LAMC3: variants seen among roughly 807,000 people sequenced by gnomAD.
LAMC3 encodes the protein laminin subunit gamma 3.
Under a neutral mutation model 173.8 loss-of-function variants are expected in LAMC3, and 128 were observed. The observed-to-expected ratio is 0.74, with a 90% CI of 0.64 to 0.85. The LOEUF (loss-of-function observed/expected upper bound fraction) is 0.85. LAMC3 is among the 40% of genes least tolerant of loss of function. The probability of loss-of-function intolerance (pLI) is 0.00; values close to 1 mark genes in which losing one functional copy is unlikely to be tolerated. For synonymous variants in LAMC3, 897 were observed against 909.1 expected (o/e 0.99, Z 0.24); for missense variants, 2,022 against 2,156.0 (o/e 0.94, Z 1.23).
In LAMC3 at chr9:131,068,248, T is replaced by C. The variant is rs1345349764; in HGVS notation, c.2747+17T>C. 1 of 1,604,904 alleles carries C rather than the reference T, an allele frequency of 6.2e-7. No homozygotes were observed. Among genetic ancestry groups the C allele is most frequent in the African/African-American group, 1.3e-5 (1 of 74,944 alleles). On this transcript the variant is annotated intron_variant, in intron 15 of 27. Transcript: ENST00000361069. ...CTGCCGGAGGTAGGTAGGGTGAGAC[T>C]GCCGGTGCCCTGGGGACCTCTCCAG...
intron 2 of LAMC3, among the ~76,000 whole-genome samples, chr9:131,028,095 G>C (rs1341942613): frequency 1.3e-5 from 2 of 152,124 alleles, no homozygotes; most frequent in Admixed American, 1.3e-4. Flanking sequence ...TTTCCTGCCT[G>C]AGCTCCGCCT....
intron 3 of LAMC3, among the ~76,000 whole-genome samples, chr9:131,034,802 G>A (rs1432734029): frequency 3.3e-5 from 5 of 152,170 alleles, no homozygotes; most frequent in East Asian, 1.9e-4. Context: ...AGCATGCCGC[G>A]GGCTCCCAGG....
chr9:131,072,467 T>C lies in LAMC3; in HGVS notation c.3212-163T>C, dbSNP rs553923633. Among the ~76,000 whole-genome samples the C allele has an allele frequency of 3.0e-4, 45 of 152,276 alleles. 1 individual carries two copies. In the South Asian group the frequency reaches 8.1e-3, roughly 27 times the overall value. On this transcript the variant is annotated intron_variant, in intron 18 of 27. Transcript: ENST00000361069. ...TGTTTGCCTTCTCTGGGCCTCGGCC[T>C]GCACCTGGAAAATGGGGGTACTCTG...
intron 9 of LAMC3, among the ~76,000 whole-genome samples, chr9:131,052,015 C>T (rs1289570611): frequency 1.3e-5 from 2 of 152,152 alleles, no homozygotes; most frequent in Admixed American, 6.5e-5. Context: ...GAAAGCATGG[C>T]CCGGGGCCCA....
In LAMC3 at chr9:131,045,661, G is replaced by A. The variant is rs766192599; in HGVS notation, c.1519+1G>A. 2 of 1,614,096 alleles carry A rather than the reference G, an allele frequency of 1.2e-6. No homozygotes were observed. The highest frequency in any genetic ancestry group is 1.7e-6 in the Non-Finnish European group (2 of 1,180,040). Reference sequence around the variant, plus strand: ...CACATCCTCAGCGATTTCCACCAGGGTAAGAGATGCTCCCTGCAAACGCCT... The same window carrying A: ...CACATCCTCAGCGATTTCCACCAGGATAAGAGATGCTCCCTGCAAACGCCT... On this transcript the variant is annotated splice_donor_variant, in intron 8 of 27. Coordinates refer to ENST00000361069, the MANE Select transcript of LAMC3 (RefSeq NM_006059.4). LOFTEE classifies it high-confidence loss of function.
intron 1 of LAMC3, among the ~76,000 whole-genome samples, chr9:131,011,121 G>T (rs1399092944): frequency 6.6e-6 from 1 of 152,154 alleles, no homozygotes; most frequent in Non-Finnish European, 1.5e-5. Flanking sequence ...ATATTCATTC[G>T]CTTTGCTACT....
Position 131,038,656 on chromosome 9 carries a change from C to A in LAMC3, c.977-208C>A, listed in dbSNP as rs12344119. ...TTGGTGTATTTACTAACAGTGTCCC[C>A]TTTGCTCTTAAGAGTGTCCTGTTTT... On this transcript the variant is annotated intron_variant, in intron 4 of 27. Transcript: ENST00000361069. Among the ~76,000 whole-genome samples, 433 of 152,276 alleles carry A rather than the reference C, an allele frequency of 2.8e-3. 1 individual carries two copies. The highest frequency in any genetic ancestry group is 9.9e-3 in the African/African-American group (410 of 41,548).
chr9:131,021,951 G>A (rs1003299760), intron 1 of LAMC3, among the ~76,000 whole-genome samples: 2 of 152,170 alleles, frequency 1.3e-5, no homozygotes, highest in African/African-American at 2.4e-5. Flanking sequence ...GAACCTCCCC[G>A]TGTTCAGCCA....
chr9:131,057,083 G>A lies in LAMC3; in HGVS notation c.2094G>A (p.Gly698=), dbSNP rs376929781. The A allele has an allele frequency of 1.1e-4, 170 of 1,614,044 alleles. No individual in the cohort carries two copies. Among genetic ancestry groups the A allele is most frequent in the Non-Finnish European group, 1.4e-4 (162 of 1,180,034 alleles). Residue 698 remains glycine (G), a synonymous_variant, in exon 12 of 28, where the codon GGG becomes GGA. Transcript: ENST00000361069. The part of the protein sequence containing the change: ...APGYKREMPQ[G]GPYASCVPCT... ...GATACAAGAGGGAGATGCCACAGGG[G>A]GGTCCCTATGCCAGCTGTGTCCCCT...
intron 7 of LAMC3, among the ~76,000 whole-genome samples, chr9:131,042,705 TTCATAG>T (rs1380307174): frequency 1.3e-5 from 2 of 151,398 alleles, no homozygotes; most frequent in Non-Finnish European, 2.9e-5. Flanking sequence ...AACTTTCCCT[TTCATAG>T]CCATGGCAGG....
At chr9:131,071,196 C>G (rs1354108694) in intron 17 of LAMC3, among the ~76,000 whole-genome samples, 2 of 152,186 alleles carry the variant, frequency 1.3e-5, no homozygotes, top group African/African-American at 4.8e-5. Flanking sequence ...GGCAGAAATC[C>G]TCGTGGGGCA....
chr9:131,057,953 G>T (rs1211052094), intron 12 of LAMC3, among the ~76,000 whole-genome samples: 1 of 152,196 alleles, frequency 6.6e-6, no homozygotes, highest in Non-Finnish European at 1.5e-5. Flanking sequence ...TCCCTGCGGG[G>T]CCGGGACCCT....
Position 131,057,124 on chromosome 9 carries a change from A to C in LAMC3, c.2135A>C (p.His712Pro). ...ASCVPCTCNQ[H>P]GTCDPNTGIC... Reference sequence around the variant, plus strand: ...TGTGTCCCCTGCACCTGTAACCAGCATGGCACCTGTGACCCCAACACAGGT... The same window carrying C: ...TGTGTCCCCTGCACCTGTAACCAGCCTGGCACCTGTGACCCCAACACAGGT... Residue 712 changes from histidine (H) to proline (P), a missense_variant, in exon 12 of 28, where the codon CAT (histidine) becomes CCT (proline). Physicochemically the swap from His to Pro is moderately conservative, Grantham distance 77. Transcript: ENST00000361069. 6.2e-7 allele frequency: 1 copy of C among 1,614,114 alleles called. No homozygotes were observed.
At chr9:131,013,553 G>A (rs1208797562) in intron 1 of LAMC3, among the ~76,000 whole-genome samples, 3 of 152,170 alleles carry the variant, frequency 2.0e-5, no homozygotes, top group Non-Finnish European at 2.9e-5. Flanking sequence ...GGCCATGTGC[G>A]GCCCCTGTCC....
intron 9 of LAMC3, among the ~76,000 whole-genome samples, chr9:131,051,200 G>T (rs912085800): frequency 2.8e-4 from 43 of 152,240 alleles, no homozygotes; most frequent in African/African-American, 1.0e-3. Context: ...ATAGGGGGAA[G>T]TACTATTAAA....
intron 7 of LAMC3, 25 bp from the exon 8 acceptor site, chr9:131,045,499 T>G: frequency 6.2e-7 from 1 of 1,612,872 alleles, no homozygotes; most frequent in Non-Finnish European, 8.5e-7. Flanking sequence ...GTGGCCCTCG[T>G]GGGCATGTCC....
At chr9:131,051,179 C>A (rs1001404943) in intron 9 of LAMC3, among the ~76,000 whole-genome samples, 1 of 152,164 alleles carries the variant, frequency 6.6e-6, no homozygotes, top group African/African-American at 2.4e-5. Flanking sequence ...TCCCACCCCC[C>A]CAGTTCCCAA....
chr9:131,076,996 C>T (rs927017295), intron 21 of LAMC3, among the ~76,000 whole-genome samples, 191 bp from the exon 22 acceptor site: 2 of 152,258 alleles, frequency 1.3e-5, no homozygotes, highest in Non-Finnish European at 2.9e-5. Flanking sequence ...CCTTTCACAG[C>T]CCGTCTGGCT....
At chr9:131,045,233 AAAAC>A (rs1455100838) in intron 7 of LAMC3, among the ~76,000 whole-genome samples, 229 of 115,940 alleles carry the variant, frequency 2.0e-3, no homozygotes, top group African/African-American at 7.0e-3. Flanking sequence ...AAAAAAAAAA[AAAAC>A]AACAACAACA....
Sources: allele counts gnomAD v4.1 joint callset (sites outside exome capture counted in the v4.1 genomes callset), GRCh38; gene constraint gnomAD v4.1.1; transcripts MANE v1.5; gene names NCBI Gene and HGNC (gene_info 2026-07-23, HGNC 2026-07-21).